Variants in MEGF11 observed in about 807,000 individuals in gnomAD.
The protein encoded by MEGF11 is multiple epidermal growth factor-like domains protein 11.
MEGF11 carries 126 observed loss-of-function variants against 146.6 expected under a neutral mutation model. The ratio of observed to expected loss-of-function variants is 0.86; its 90% confidence interval spans 0.74 to 1.00. The LOEUF (loss-of-function observed/expected upper bound fraction) is 1.00. MEGF11 is among the 50% of genes least tolerant of loss of function. The pLI is 0.00. For missense variants in MEGF11, 1,509 were observed against 1,521.2 expected, an observed-to-expected ratio of 0.99 and a Z score of 0.13; for synonymous variants, 532 against 583.4, an observed-to-expected ratio of 0.91 and a Z score of 1.27.
chr15:65,943,841 A>G (rs1270665140), intron 10 of MEGF11, among the ~76,000 whole-genome samples: 2 of 152,188 alleles, frequency 1.3e-5, no homozygotes, highest in African/African-American at 2.4e-5. Flanking sequence ...GCTTGGATCT[A>G]TAGGGTATAC....
rs139290759 is a variant in MEGF11, at chr15:66,080,832, G to A, written c.394+13570C>T. On this transcript the variant is annotated intron_variant, in intron 5 of 25. Coordinates refer to ENST00000395614, the MANE Select transcript of MEGF11 (RefSeq NM_001385028.1). ...GTGTGGGGCTGACACAGAGCCCACC[G>A]TCCCGGGGAGGCCCACAGGCACACC... 6.3e-3 allele frequency among the ~76,000 whole-genome samples: 963 copies of A among 152,328 alleles called. 11 individuals are homozygous for A. Among genetic ancestry groups the A allele is most frequent in the African/African-American group, 0.022 (922 of 41,580 alleles).
At chr15:66,244,483 C>G (rs1379579746) in intron 1 of MEGF11, among the ~76,000 whole-genome samples, 2 of 152,120 alleles carry the variant, frequency 1.3e-5, no homozygotes. Flanking sequence ...ACTGGGAGAA[C>G]AGGCACCCAA....
At chr15:65,910,557 G>A (rs1053407053) in intron 21 of MEGF11, among the ~76,000 whole-genome samples, 11 of 152,058 alleles carry the variant, frequency 7.2e-5, no homozygotes, top group African/African-American at 2.7e-4. Flanking sequence ...AGCCACTCTG[G>A]GCCCCTGGGC....
At chr15:66,134,941 G>C (rs1334272778) in intron 1 of MEGF11, among the ~76,000 whole-genome samples, 1 of 152,244 alleles carries the variant, frequency 6.6e-6, no homozygotes, top group Non-Finnish European at 1.5e-5. Flanking sequence ...CTTGGTTGCA[G>C]TCTTCATGTG....
At chr15:66,047,117 A>G (rs994314874) in intron 5 of MEGF11, among the ~76,000 whole-genome samples, 2 of 152,224 alleles carry the variant, frequency 1.3e-5, no homozygotes, top group Non-Finnish European at 2.9e-5. Context: ...CTTTTAAAGG[A>G]GGACTTAGGA....
At chr15:66,119,367 G>A (rs1331601548) in intron 3 of MEGF11, among the ~76,000 whole-genome samples, 181 bp from the exon 4 acceptor site, 4 of 152,204 alleles carry the variant, frequency 2.6e-5, no homozygotes, top group Non-Finnish European at 4.4e-5. Context: ...CTGTTGTGAT[G>A]CAGAATGTAT....
At chr15:65,917,126 C>T (rs1242765898) in intron 16 of MEGF11, among the ~76,000 whole-genome samples, 170 bp from the exon 17 acceptor site, 2 of 152,214 alleles carry the variant, frequency 1.3e-5, no homozygotes, top group Non-Finnish European at 2.9e-5. Flanking sequence ...GCACTTACTT[C>T]TTGGCTTAGT....
intron 1 of MEGF11, among the ~76,000 whole-genome samples, chr15:66,182,362 G>A (rs2090573024): frequency 6.6e-6 from 1 of 152,106 alleles, no homozygotes; most frequent in Admixed American, 6.6e-5. Flanking sequence ...CCACACCAGA[G>A]GGAACATCAG....
intron 1 of MEGF11, among the ~76,000 whole-genome samples, chr15:66,212,058 G>A (rs1003830824): frequency 1.0e-3 from 1 of 966 alleles, no homozygotes; most frequent in Non-Finnish European, 2.4e-3. Context: ...GCCCAGGCAG[G>A]GGGAGACAGC....
rs1044969850 is a variant in MEGF11 at position 66,139,342 on chromosome 15, C to A, written c.-8-10931G>T. 5.3e-5 allele frequency among the ~76,000 whole-genome samples: 8 copies of A among 152,138 alleles called. No homozygotes were observed. In the South Asian group the frequency reaches 1.7e-3, roughly 32 times the overall value. On this transcript the variant is annotated intron_variant, in intron 1 of 25. Transcript: ENST00000395614. ...TAATTTGGAAAATGGTACATAAGTC[C>A]CAGAGTCACTGTGTGCCTGGCCTGA...
chr15:65,918,837 CATTGAGTATTT>C (rs2079084624), intron 15 of MEGF11, among the ~76,000 whole-genome samples: 1 of 152,208 alleles, frequency 6.6e-6, no homozygotes, highest in Admixed American at 6.5e-5. Context: ...TTTGAGTATT[CATTGAGTATTT>C]AACCTTTTGT....
intron 1 of MEGF11, among the ~76,000 whole-genome samples, chr15:66,159,120 C>A (rs960240483): frequency 6.6e-6 from 1 of 152,170 alleles, no homozygotes; most frequent in African/African-American, 2.4e-5. Context: ...GATGTTTTCA[C>A]GACCATGATC....
intron 1 of MEGF11, among the ~76,000 whole-genome samples, chr15:66,168,532 A>T (rs2090160674): frequency 6.6e-6 from 1 of 152,228 alleles, no homozygotes; most frequent in South Asian, 2.1e-4. Flanking sequence ...TGACTTACAG[A>T]TGGGGCAGAG....
intron 7 of MEGF11, among the ~76,000 whole-genome samples, chr15:65,976,255 G>A (rs879636900): frequency 8.5e-5 from 13 of 152,052 alleles, no homozygotes; most frequent in African/African-American, 1.2e-4. Context: ...TGGCCAGGCT[G>A]GTCTTGAACT....
intron 1 of MEGF11, among the ~76,000 whole-genome samples, chr15:66,221,278 C>CGCA (rs1190611596): frequency 3.3e-5 from 5 of 152,040 alleles, no homozygotes; most frequent in African/African-American, 1.2e-4. Context: ...GTCACGGGCT[C>CGCA]GCAGCCGCTC....
intron 1 of MEGF11, among the ~76,000 whole-genome samples, chr15:66,232,026 C>T (rs1430782959): frequency 1.3e-5 from 2 of 152,172 alleles, no homozygotes; most frequent in African/African-American, 4.8e-5. Flanking sequence ...AAAGGATTTG[C>T]CCCACATTAC....
At chr15:65,933,032 TC>T (rs1219803501) in intron 10 of MEGF11, among the ~76,000 whole-genome samples, 1 of 152,102 alleles carries the variant, frequency 6.6e-6, no homozygotes, top group Non-Finnish European at 1.5e-5. Flanking sequence ...CTGGCTTCAC[TC>T]CTATGTGGGC....
chr15:65,916,669 T>C, intron 17 of MEGF11, 159 bp downstream of exon 17: 3 of 1,299,752 alleles, frequency 2.3e-6, no homozygotes, highest in Non-Finnish European at 1.1e-6. Context: ...GAGCTGCCCC[T>C]GCAGAGCTCC....
At chr15:66,040,808 A>G (rs1360128803) in intron 5 of MEGF11, among the ~76,000 whole-genome samples, 3 of 152,110 alleles carry the variant, frequency 2.0e-5, no homozygotes, top group African/African-American at 7.2e-5. Flanking sequence ...ATGCATGGTT[A>G]TGTATGTTGT....
Sources: gnomAD v4.1 joint callset for allele counts (sites outside exome capture counted in the v4.1 genomes callset) on GRCh38, gnomAD v4.1.1 for gene constraint, MANE v1.5 for transcripts, NCBI Gene and HGNC (gene_info 2026-07-23, HGNC 2026-07-21) for gene names.